PALD1: variants seen among roughly 807,000 people sequenced by gnomAD.
PALD1 encodes the protein phosphatase domain containing paladin 1.
Under a neutral mutation model 96.0 loss-of-function variants are expected in PALD1, and 57 were observed. That is an observed-to-expected ratio of 0.59 (90% CI 0.48 to 0.74). The LOEUF is 0.74. Among genes scored for constraint, PALD1 ranks in the 30% least tolerant of loss-of-function variants. PALD1 has a pLI of 0.00. For synonymous variants in PALD1, 464 were observed against 473.6 expected (o/e 0.98, Z 0.26); for missense variants, 1,063 against 1,143.7 (o/e 0.93, Z 1.02).
intron 1 of PALD1, among the ~76,000 whole-genome samples, chr10:70,518,712 G>A (rs1846664198): frequency 6.6e-6 from 1 of 152,132 alleles, no homozygotes; most frequent in South Asian, 2.1e-4. Flanking sequence ...TACGTCAAAC[G>A]CCTTGCAGTC....
chr10:70,516,226 G>A (rs1846616577), intron 1 of PALD1, among the ~76,000 whole-genome samples: 1 of 152,078 alleles, frequency 6.6e-6, no homozygotes, highest in Non-Finnish European at 1.5e-5. Flanking sequence ...TGCCTTCTGG[G>A]TTCCAGCGAT....
rs72811393 is a variant in PALD1 at position 70,568,307 on chromosome 10, T to G, written c.*1574T>G. ...GTGTTGGGACCACTGGCTGATCACA[T>G]CACCTCTCTGCCTCAGTTTCCCCAT... On this transcript the variant is annotated 3_prime_UTR_variant, in exon 20 of 20. Transcript: ENST00000263563. The G allele has an allele frequency of 6.9e-3, 1,052 of 152,696 alleles. 6 individuals are homozygous for G. Among genetic ancestry groups the G allele is most frequent in the Non-Finnish European group, 0.012 (850 of 68,014 alleles). 9.5% of individuals were successfully genotyped at this position (152,696 alleles called of 1,614,324 possible).
intron 1 of PALD1, among the ~76,000 whole-genome samples, chr10:70,481,310 G>GTTAT (rs2132252773): frequency 6.6e-6 from 1 of 152,340 alleles, no homozygotes; most frequent in East Asian, 1.9e-4. Flanking sequence ...GCATTGCCTG[G>GTTAT]TTATCACTGT....
chr10:70,475,921 T>A (rs1159010898), upstream of PALD1, among the ~76,000 whole-genome samples: 1 of 152,208 alleles, frequency 6.6e-6, no homozygotes, highest in Non-Finnish European at 1.5e-5. Context: ...GTGCTACACG[T>A]ACACACACAT....
chr10:70,551,384 C>A (rs1246658964), intron 18 of PALD1, among the ~76,000 whole-genome samples: 1 of 152,172 alleles, frequency 6.6e-6, no homozygotes, highest in Non-Finnish European at 1.5e-5. Flanking sequence ...GTGCCATCAG[C>A]CTGGTCAGAT....
intron 18 of PALD1, among the ~76,000 whole-genome samples, chr10:70,559,826 G>A (rs1185001463): frequency 6.6e-6 from 1 of 152,104 alleles, no homozygotes; most frequent in East Asian, 1.9e-4. Flanking sequence ...TCCATGCGGA[G>A]CACTTGAGCT....
At chr10:70,460,313 A>G in the PALD1 span, among the ~76,000 whole-genome samples, 1 of 152,026 alleles carries the variant, frequency 6.6e-6, no homozygotes, top group Non-Finnish European at 1.5e-5. Context: ...ACCAATGCCC[A>G]TGGTGCCCGG....
chr10:70,535,578 CTCCTTCT>C (rs939039805), intron 10 of PALD1, among the ~76,000 whole-genome samples: 1 of 145,320 alleles, frequency 6.9e-6, no homozygotes, highest in African/African-American at 2.6e-5. Flanking sequence ...TTCCTTCCTC[CTCCTTCT>C]TCCTCCTTCC....
rs149682879 is a variant in PALD1, at chr10:70,517,560, T to G, written c.-29-8363T>G. 5.6e-4 allele frequency among the ~76,000 whole-genome samples: 85 copies of G among 152,204 alleles called. No individual in the cohort carries two copies. In the East Asian group the frequency reaches 0.016, roughly 28 times the overall value. ...TTTTACCATGTTGACCAGGCTGGTC[T>G]TGAACTCCTGACCTCAGGTGATCCG... On this transcript the variant is annotated intron_variant, in intron 1 of 19. Coordinates refer to ENST00000263563, the MANE Select transcript of PALD1 (RefSeq NM_014431.3).
At position 70,487,848 on chromosome 10, in the gene PALD1, T is replaced by TA. The variant is rs201488288; in HGVS notation, c.-30+8790dup. 7.4e-3 allele frequency among the ~76,000 whole-genome samples: 1,123 copies of TA among 152,346 alleles called. 21 individuals are homozygous for TA. Among genetic ancestry groups the TA allele is most frequent in the African/African-American group, 0.026 (1,075 of 41,584 alleles). On this transcript the variant is annotated intron_variant, in intron 1 of 19. Transcript: ENST00000263563. ...AAGTCTGACAACACTTTCCATCACC[T>TA]AGAAGGGCCCTATGCTCCCTTGTAG...
rs78567837 is a variant in PALD1, at chr10:70,531,322, T to C, written c.501T>C (p.Pro167=). 1,388 of 1,613,782 alleles carry C rather than the reference T, an allele frequency of 8.6e-4. 10 individuals are homozygous for C. The African/African-American group carries it at 0.016, about 19-fold the overall frequency. ...ECVIFCVREE[P]VLFLRADEDF... The stretch of plus-strand genomic sequence containing the variant: ...TCATCTTCTGTGTGCGGGAGGAACC[T>C]GTGCTTTTCCTGCGTGCAGATGAGG... Residue 167 remains proline (P), a synonymous_variant, in exon 5 of 20, where the codon CCT becomes CCC. Coordinates refer to ENST00000263563, the MANE Select transcript of PALD1 (RefSeq NM_014431.3).
chr10:70,477,316 G>A (rs1845842009), upstream of PALD1, among the ~76,000 whole-genome samples: 1 of 152,208 alleles, frequency 6.6e-6, no homozygotes, highest in Non-Finnish European at 1.5e-5. Context: ...TTTGAAGGAG[G>A]ATGAAGCCAT....
chr10:70,474,807 C>T (rs1845802837), upstream of PALD1, among the ~76,000 whole-genome samples: 1 of 152,126 alleles, frequency 6.6e-6, no homozygotes, highest in South Asian at 2.1e-4. Flanking sequence ...ATGCCGATAA[C>T]TGAACATGTA....
intron 1 of PALD1, among the ~76,000 whole-genome samples, chr10:70,498,203 A>G (rs1309999142): frequency 6.6e-6 from 1 of 152,242 alleles, no homozygotes; most frequent in African/African-American, 2.4e-5. Flanking sequence ...TTAAACATAT[A>G]ACATAATGTC....
intron 18 of PALD1, among the ~76,000 whole-genome samples, chr10:70,562,809 G>A (rs533737669): frequency 6.6e-6 from 1 of 151,958 alleles, no homozygotes; most frequent in South Asian, 2.2e-4. Context: ...AAGGAGCAGG[G>A]TGGGCAGGGT....
rs771571238 is a variant in PALD1, at chr10:70,547,450, AG to A, written c.2262+5del. On this transcript the variant is annotated splice_donor_5th_base_variant and intron_variant, in intron 18 of 19. Coordinates refer to ENST00000263563, the MANE Select transcript of PALD1 (RefSeq NM_014431.3). ...CATCATCTGCACCTACCGCCAGGTGAGCCCCCACCCCACCCCACCCCACCCT... is the reference window on the plus strand; with the variant it reads ...CATCATCTGCACCTACCGCCAGGTGACCCCCACCCCACCCCACCCCACCCT... 2 of 1,590,390 alleles carry A rather than the reference AG, an allele frequency of 1.3e-6. No individual in the cohort carries two copies. The highest frequency in any genetic ancestry group is 4.5e-5 in the East Asian group (2 of 44,470).
intron 18 of PALD1, among the ~76,000 whole-genome samples, chr10:70,550,099 G>A (rs1847451460): frequency 6.6e-6 from 1 of 152,222 alleles, no homozygotes. Flanking sequence ...GAAGAGCAGA[G>A]GGACTGAGAG....
In PALD1 at chr10:70,534,538, AGCAAAGG is replaced by A. The variant is rs1319696245; in HGVS notation, c.1122+17_1122+23del. On this transcript the variant is annotated intron_variant, in intron 9 of 19. Coordinates refer to ENST00000263563, the MANE Select transcript of PALD1 (RefSeq NM_014431.3). ...ATGGTGGAAGAGGTGAGTGAGGGAC[AGCAAAGG>A]GCTGGGGCAGGGGTGGTGGAGGGGA... 3.8e-6 allele frequency: 6 copies of A among 1,587,760 alleles called. No individual in the cohort carries two copies. The South Asian group carries it at 6.7e-5, about 18-fold the overall frequency.
Position 70,537,823 on chromosome 10 carries a change from C to T in PALD1, c.1240C>T (p.Arg414Ter), listed in dbSNP as rs754176746. 28 of 1,612,676 alleles carry T rather than the reference C, an allele frequency of 1.7e-5. No homozygotes were observed. The highest frequency in any genetic ancestry group is 4.5e-5 in the East Asian group (2 of 44,882). ...TCCTCTCTCTCAGGGAAGCGGCAGC[C>T]GACACAGCGTCTGGCAGAGGGCGCT... Reference protein sequence around the residue: ...PESPAQGSGSRHSVWQRALWS... With the variant: ...PESPAQGSGS Residue 414 changes from arginine to a stop codon, truncating the protein, a stop_gained, in exon 11 of 20, where the codon CGA becomes TGA. Coordinates refer to ENST00000263563, the MANE Select transcript of PALD1 (RefSeq NM_014431.3). LOFTEE classifies it high-confidence loss of function.
Sources: allele counts gnomAD v4.1 joint callset (sites outside exome capture counted in the v4.1 genomes callset), GRCh38; gene constraint gnomAD v4.1.1; transcripts MANE v1.5; gene names NCBI Gene and HGNC (gene_info 2026-07-23, HGNC 2026-07-21).